NAA11: variants seen among roughly 807,000 people sequenced by gnomAD.
The protein encoded by NAA11 is N-alpha-acetyltransferase 11, NatA catalytic subunit.
NAA11 carries 15 observed loss-of-function variants against 16.1 expected under a neutral mutation model. That is an observed-to-expected ratio of 0.93 (90% confidence interval 0.62 to 1.44). The LOEUF (loss-of-function observed/expected upper bound fraction) is 1.44, where lower values mean the gene tolerates loss of function less well. NAA11 is among the 40% of genes most tolerant of loss of function. NAA11 has a pLI of 0.00. For missense variants in NAA11, 298 were observed against 291.3 expected, an observed-to-expected ratio of 1.02 and a Z score of -0.17; for synonymous variants, 122 against 112.4, an observed-to-expected ratio of 1.09 and a Z score of -0.54.
At chr4:79,225,689 G>A (rs746034062), downstream of NAA11, 2 of 152,114 alleles carry the variant, frequency 1.3e-5, no homozygotes, top group African/African-American at 2.4e-5. Flanking sequence ...GACTTAGTGA[G>A]TTAAAAGGGA....
chr4:79,158,875 A>G, the NAA11 span, among the ~76,000 whole-genome samples: 9 of 152,076 alleles, frequency 5.9e-5, no homozygotes, highest in African/African-American at 1.9e-4. Flanking sequence ...AGCACACCCT[A>G]TTCAACAAAT....
At chr4:79,180,197 A>C in the NAA11 span, among the ~76,000 whole-genome samples, 2 of 152,174 alleles carry the variant, frequency 1.3e-5, no homozygotes, top group Non-Finnish European at 2.9e-5. Flanking sequence ...TAAATGAAAG[A>C]ATGGAGTTTG....
At chr4:79,163,345 T>C in the NAA11 span, among the ~76,000 whole-genome samples, 5 of 152,120 alleles carry the variant, frequency 3.3e-5, no homozygotes, top group Admixed American at 2.6e-4. Flanking sequence ...CTAGAAGAGA[T>C]CATGTGAAAG....
At chr4:79,236,967 C>A (rs1403509283) in intron 2 of NAA11, among the ~76,000 whole-genome samples, 2 of 152,172 alleles carry the variant, frequency 1.3e-5, no homozygotes, top group Non-Finnish European at 2.9e-5. Context: ...CTGACCCTTT[C>A]TCAAAGCCTG....
intron 1 of NAA11, chr4:79,298,863 C>T (rs1041301891): frequency 1.3e-5 from 2 of 152,238 alleles, no homozygotes; most frequent in African/African-American, 4.8e-5. Flanking sequence ...GATCCCATAA[C>T]AAAATCAAAT....
chr4:79,284,480 AT>A (rs1415343081), intron 2 of NAA11, among the ~76,000 whole-genome samples: 3 of 152,096 alleles, frequency 2.0e-5, no homozygotes, highest in African/African-American at 7.2e-5. Context: ...CAGGTTGATT[AT>A]TTTTAAAAAA....
At chr4:79,200,084 C>T in the NAA11 span, among the ~76,000 whole-genome samples, 13 of 151,858 alleles carry the variant, frequency 8.6e-5, no homozygotes, top group East Asian at 1.7e-3. Context: ...GTACCTACAA[C>T]GAGAAGGCAT....
At chr4:79,229,484 C>T (rs911445583) in intron 2 of NAA11, among the ~76,000 whole-genome samples, 4 of 151,802 alleles carry the variant, frequency 2.6e-5, no homozygotes, top group African/African-American at 9.7e-5. Context: ...GGTTAAGTAA[C>T]CTGCTCAACA....
intron 2 of NAA11, among the ~76,000 whole-genome samples, chr4:79,249,397 C>T (rs1721939120): frequency 6.6e-6 from 1 of 152,170 alleles, no homozygotes; most frequent in South Asian, 2.1e-4. Flanking sequence ...AGCTGATGAA[C>T]AAATGACCAT....
rs1414128991 is a variant in NAA11, at chr4:79,270,803, A to T, written c.*122+23202T>A. Among the ~76,000 whole-genome samples the T allele has an allele frequency of 2.6e-4, 15 of 57,172 alleles. No homozygotes were observed. The Admixed American group carries it at 3.2e-3, about 12-fold the overall frequency. The allele number at this position is 57,172 out of a possible 152,430, so 37.5% of individuals were successfully genotyped here. A position where few individuals can be genotyped will look rare whatever the true frequency, so the allele number is the denominator to read the frequency against. Reference sequence around the variant, plus strand: ...CACATGATTATCTCAATAGATGCAGAAAAAGCCTTTGACAAAATTCAACAA... The same window carrying T: ...CACATGATTATCTCAATAGATGCAGTAAAAGCCTTTGACAAAATTCAACAA... On this transcript the variant is annotated intron_variant and NMD_transcript_variant, in intron 2 of 2. Transcript: ENST00000511542.
In NAA11 at chr4:79,325,868, G is replaced by A. The variant is rs1261869628; in HGVS notation, c.10C>T (p.Arg4Cys). The A allele has an allele frequency of 1.9e-6, 3 of 1,608,346 alleles. No homozygotes were observed. The highest frequency in any genetic ancestry group is 1.1e-5 in the South Asian group (1 of 90,072). Residue 4 changes from arginine (R) to cysteine (C), a missense_variant, in exon 1 of 2, where the codon CGC becomes TGC. Arg to Cys is a radical substitution (Grantham distance 180). Transcript: ENST00000286794. ...ATCAGGTCGTCTGGCTGAGCGTTGC[G>A]GATGTTCATAATGGCAGAGGGTAGG... Reference protein sequence around the residue: MNIRNAQPDDLMNM... With the variant: MNICNAQPDDLMNM...
chr4:79,249,483 A>G, intron 2 of NAA11, among the ~76,000 whole-genome samples: 1 of 152,240 alleles, frequency 6.6e-6, no homozygotes, highest in East Asian at 1.9e-4. Context: ...GCTAGCATTA[A>G]CAGCAGAATT....
chr4:79,263,975 C>G (rs531886796), intron 2 of NAA11, among the ~76,000 whole-genome samples: 8 of 152,166 alleles, frequency 5.3e-5, no homozygotes, highest in Non-Finnish European at 1.2e-4. Context: ...TCAAACTCCT[C>G]GCTTTAAGCA....
At chr4:79,288,768 C>T (rs1057306255) in intron 2 of NAA11, among the ~76,000 whole-genome samples, 1 of 152,136 alleles carries the variant, frequency 6.6e-6, no homozygotes, top group Non-Finnish European at 1.5e-5. Context: ...TTCAAAAAAT[C>T]ATTTAAATTT....
the NAA11 span, among the ~76,000 whole-genome samples, chr4:79,164,647 C>T: frequency 6.6e-6 from 1 of 152,202 alleles, no homozygotes; most frequent in African/African-American, 2.4e-5. Context: ...GTGGCCCCAA[C>T]ACAGACAAAA....
chr4:79,203,114 C>A, the NAA11 span, among the ~76,000 whole-genome samples: 2 of 151,370 alleles, frequency 1.3e-5, no homozygotes, highest in African/African-American at 2.4e-5. Flanking sequence ...ATTTATAAAG[C>A]TTTGCTTGCA....
chr4:79,204,186 C>G, the NAA11 span, among the ~76,000 whole-genome samples: 1 of 151,762 alleles, frequency 6.6e-6, no homozygotes, highest in Non-Finnish European at 1.5e-5. Flanking sequence ...ATCCAAGATA[C>G]AGACAAATAT....
At chr4:79,309,806 C>T (rs1174215565) in intron 1 of NAA11, among the ~76,000 whole-genome samples, 1 of 143,664 alleles carries the variant, frequency 7.0e-6, no homozygotes, top group Non-Finnish European at 1.5e-5. Context: ...ACCTCCATCT[C>T]CCGGGTTCAC....
At chr4:79,231,431 T>G in intron 2 of NAA11, among the ~76,000 whole-genome samples, 1 of 151,958 alleles carries the variant, frequency 6.6e-6, no homozygotes, top group African/African-American at 2.4e-5. Flanking sequence ...TTTTTTATCC[T>G]CTCACTTCAG....
Sources: gnomAD v4.1 joint callset for allele counts (sites outside exome capture counted in the v4.1 genomes callset) on GRCh38, gnomAD v4.1.1 for gene constraint, MANE v1.5 for transcripts, NCBI Gene and HGNC (gene_info 2026-07-23, HGNC 2026-07-21) for gene names.